Variants in TMC8 observed in about 807,000 individuals in gnomAD.
The protein encoded by TMC8 is transmembrane channel like 8, also known as transmembrane channel-like protein 8.
In TMC8, 71 loss-of-function variants were observed where a neutral mutation model predicts 76.0. The observed-to-expected ratio is 0.93, with a 90% CI of 0.77 to 1.14. TMC8 has a LOEUF of 1.14. Among genes scored for constraint, TMC8 ranks in the 50% most tolerant of loss-of-function variants. The pLI, the probability that TMC8 is intolerant of heterozygous loss-of-function variation, is 0.00. For synonymous variants in TMC8, 433 were observed against 433.8 expected, an observed-to-expected ratio of 1.00 and a Z score of 0.02; for missense variants, 924 against 947.9, an observed-to-expected ratio of 0.97 and a Z score of 0.33.
Position 78,140,961 on chromosome 17 carries a change from G to C in TMC8, c.2030G>C (p.Gly677Ala). ...QASRPQSFCPGCPCPGSPGHQ... is the reference protein window; with the variant it reads ...QASRPQSFCPACPCPGSPGHQ... ...TCGCGCCCGCAGTCCTTCTGCCCCG[G>C]ATGCCCATGCCCTGGCTCCCCGGGC... The change falls in exon 16 of 16, where the codon GGA (glycine) becomes GCA (alanine). Residue 677 changes from glycine (G) to alanine (A), a missense_variant. Coordinates refer to ENST00000318430, the MANE Select transcript of TMC8 (RefSeq NM_152468.5). 6.3e-7 allele frequency: 1 copy of C among 1,594,026 alleles called. No individual in the cohort carries two copies.
chr17:78,136,377 G>C (rs981573765), intron 9 of TMC8, among the ~76,000 whole-genome samples: 3 of 152,130 alleles, frequency 2.0e-5, no homozygotes, highest in Non-Finnish European at 4.4e-5. Context: ...AGCTGAGGTG[G>C]GAGGATCACT....
chr17:78,136,267 C>T lies in TMC8; in HGVS notation c.1128-968C>T, dbSNP rs144093139. 5.3e-3 allele frequency among the ~76,000 whole-genome samples: 802 copies of T among 152,146 alleles called. 9 individuals carry two copies. Among genetic ancestry groups the T allele is most frequent in the Middle Eastern group, 0.02 (6 of 294 alleles). On this transcript the variant is annotated intron_variant, in intron 9 of 15. Transcript: ENST00000318430. The stretch of plus-strand genomic sequence containing the variant: ...TCACTTGATCCCAGGAGTTTGAGAC[C>T]GGCCTGGGCAACATGGCAAGACCCC...
chr17:78,133,310 G>C (rs1598904573), intron 5 of TMC8, 96 bp from the exon 6 acceptor site: 3 of 1,590,446 alleles, frequency 1.9e-6, no homozygotes, highest in Non-Finnish European at 2.6e-6. Flanking sequence ...CTACCTGATG[G>C]GGGGATTGCA....
rs1004184285 is a variant in TMC8 at position 78,131,448 on chromosome 17, G to T, written c.-141G>T. The T allele has an allele frequency of 2.4e-6, 3 of 1,242,030 alleles. No individual in the cohort carries two copies. Among genetic ancestry groups the T allele is most frequent in the South Asian group, 1.3e-5 (1 of 76,140 alleles). 76.9% of individuals were successfully genotyped at this position (1,242,030 alleles called of 1,614,324 possible). A position where few individuals can be genotyped will look rare whatever the true frequency, so the allele number is the denominator to read the frequency against. On this transcript the variant is annotated 5_prime_UTR_variant, in exon 2 of 16. Coordinates refer to ENST00000318430, the MANE Select transcript of TMC8 (RefSeq NM_152468.5). ...CTGCAGGAGCCCAGGCCCCGACGCC[G>T]GCGCAGAGGGGACGGAAGGGCCCGC...
At chr17:78,132,313 A>G in intron 3 of TMC8, 46 bp from the exon 4 acceptor site, 2 of 1,605,992 alleles carry the variant, frequency 1.2e-6, no homozygotes, top group Non-Finnish European at 8.5e-7. Context: ...GCGCGGCCCC[A>G]GCCCCGGCCC....
chr17:78,138,933 G>C (rs776847882), intron 14 of TMC8: 59 of 1,536,360 alleles, frequency 3.8e-5, no homozygotes, highest in Non-Finnish European at 4.9e-5. Flanking sequence ...GGGAAGCACC[G>C]TGTCTGGGTG....
chr17:78,139,673 T>C (rs540346325), intron 15 of TMC8, among the ~76,000 whole-genome samples: 1 of 146,656 alleles, frequency 6.8e-6, no homozygotes, highest in South Asian at 2.2e-4. Context: ...GTGGATCACC[T>C]GAGGTCAGGA....
At position 78,142,460 on chromosome 17, in the gene TMC8, A is replaced by G. The variant is rs561068643; in HGVS notation, c.*1348A>G. 2 of 152,454 alleles carry G rather than the reference A, an allele frequency of 1.3e-5. No individual in the cohort carries two copies. The highest frequency in any genetic ancestry group is 4.8e-5 in the African/African-American group (2 of 41,574). 9.4% of individuals were successfully genotyped at this position (152,454 alleles called of 1,614,324 possible). A position where few individuals can be genotyped will look rare whatever the true frequency, so the allele number is the denominator to read the frequency against. ...CCCTCAGGGCTGGGGGCTTCTTCACATGGTCATCAAAGACTTGGCCAGTTC... is the reference window on the plus strand; with the variant it reads ...CCCTCAGGGCTGGGGGCTTCTTCACGTGGTCATCAAAGACTTGGCCAGTTC... On this transcript the variant is annotated 3_prime_UTR_variant, in exon 16 of 16. Coordinates refer to ENST00000318430, the MANE Select transcript of TMC8 (RefSeq NM_152468.5).
intron 5 of TMC8, 48 bp from the exon 6 acceptor site, chr17:78,133,358 C>G (rs2075096514): frequency 6.2e-7 from 1 of 1,613,178 alleles, no homozygotes. Context: ...AGCACTTGAG[C>G]AGAGCCTGGT....
At chr17:78,134,283 C>A in intron 7 of TMC8, 111 bp from the exon 8 acceptor site, 1 of 1,309,268 alleles carries the variant, frequency 7.6e-7, no homozygotes, top group Non-Finnish European at 1.1e-6. Context: ...GAGTTTGTGA[C>A]TGTGTATGTG....
chr17:78,137,352 C>CT lies in TMC8; in HGVS notation c.1246dup (p.Tyr416LeufsTer85). The CT allele has an allele frequency of 6.2e-7, 1 of 1,613,958 alleles. No individual in the cohort carries two copies. Among genetic ancestry groups the CT allele is most frequent in the Non-Finnish European group, 8.5e-7 (1 of 1,180,002 alleles). On this transcript the variant is annotated frameshift_variant, in exon 10 of 16. Coordinates refer to ENST00000318430, the MANE Select transcript of TMC8 (RefSeq NM_152468.5). LOFTEE classifies it high-confidence loss of function. ...AGTCCTACGGCTACAACGTTTGTGA[C>CT]TATCAGGTGGCTGGCAGCCCGGCGG... is the stretch of plus-strand genomic sequence containing the variant.
rs776610626 is a variant in TMC8 at position 78,141,687 on chromosome 17, T to C, written c.*575T>C. The C allele has an allele frequency of 6.6e-6, 1 of 152,248 alleles. No individual in the cohort carries two copies. Among genetic ancestry groups the C allele is most frequent in the Non-Finnish European group, 1.5e-5 (1 of 68,042 alleles). 9.4% of individuals were successfully genotyped at this position (152,248 alleles called of 1,614,324 possible). On this transcript the variant is annotated 3_prime_UTR_variant, in exon 16 of 16. Transcript: ENST00000318430. ...GGGATTTGAACCCAGGCACTCGGGC[T>C]CCAGAGCCACACTGCCCCAGTGTGG...
chr17:78,138,773 G>C, intron 14 of TMC8, 41 bp downstream of exon 14: 4 of 1,599,652 alleles, frequency 2.5e-6, no homozygotes, highest in Non-Finnish European at 3.4e-6. Flanking sequence ...GACACCTGGA[G>C]GGGGAGGTCC....
rs200435949 is a variant in TMC8, at chr17:78,134,010, C to T, written c.816+10C>T. Reference sequence around the variant, plus strand: ...CAGCAACGAGTTCAAGGTGTGTGCACGAGTGAGTGCCTGAGATCCACAAGC... The same window carrying T: ...CAGCAACGAGTTCAAGGTGTGTGCATGAGTGAGTGCCTGAGATCCACAAGC... On this transcript the variant is annotated intron_variant, in intron 7 of 15. Transcript: ENST00000318430. 226 of 1,613,638 alleles carry T rather than the reference C, an allele frequency of 1.4e-4. No homozygotes were observed. Among genetic ancestry groups the T allele is most frequent in the Middle Eastern group, 3.3e-4 (2 of 6,062 alleles).
chr17:78,136,758 C>A, intron 9 of TMC8: 1 of 301,024 alleles, frequency 3.3e-6, no homozygotes, highest in Non-Finnish European at 6.5e-6. Flanking sequence ...GTTTCTCAAA[C>A]TGATCTAAAA....
rs1274382468 is a variant in TMC8, at chr17:78,141,074, G to A, written c.2143G>A (p.Ala715Thr). Residue 715 changes from alanine to threonine, a missense_variant, in exon 16 of 16, where the codon GCC (alanine) becomes ACC (threonine). Transcript: ENST00000318430. ...TGGACAGCACGGTGCCCCGGCCTCC[G>A]CCCGCAGATTCCGCTTCCCCAGCGG... ...CPGQHGAPAS[A>T]RRFRFPSGAE... 1.3e-6 allele frequency: 2 copies of A among 1,587,940 alleles called. No individual in the cohort carries two copies. The highest frequency in any genetic ancestry group is 2.2e-5 in the South Asian group (2 of 89,430).
At chr17:78,137,927 G>A (rs1375447138) in intron 11 of TMC8, 78 bp from the exon 12 acceptor site, 1 of 1,602,442 alleles carries the variant, frequency 6.2e-7, no homozygotes, top group Non-Finnish European at 8.5e-7. Context: ...GGGAGTAAGT[G>A]GCAGGCTGTG....
chr17:78,137,121 C>T, intron 9 of TMC8, 114 bp from the exon 10 acceptor site: 2 of 1,514,010 alleles, frequency 1.3e-6, no homozygotes, highest in Non-Finnish European at 1.8e-6. Flanking sequence ...TGGAAGGAGG[C>T]TGGGCCCAGG....
At chr17:78,134,203 CTGAA>C (rs1383437179) in intron 7 of TMC8, among the ~76,000 whole-genome samples, 187 bp from the exon 8 acceptor site, 7 of 152,202 alleles carry the variant, frequency 4.6e-5, no homozygotes, top group Non-Finnish European at 7.3e-5. Context: ...GCACATGTGA[CTGAA>C]TGGGTGATGG....
Sources: allele counts gnomAD v4.1 joint callset (sites outside exome capture counted in the v4.1 genomes callset), GRCh38; gene constraint gnomAD v4.1.1; transcripts MANE v1.5; gene names NCBI Gene and HGNC (gene_info 2026-07-23, HGNC 2026-07-21).